The following XIRP2 variants were observed in gnomAD, a reference collection of about 807,000 sequenced individuals.
XIRP2 encodes the protein xin actin binding repeat containing 2.
In XIRP2, 236 loss-of-function variants were observed where a neutral mutation model predicts 277.0. That is an observed-to-expected ratio of 0.85 (90% CI 0.77 to 0.95). The LOEUF is 0.95. Among genes scored for constraint, XIRP2 ranks in the 40% least tolerant of loss-of-function variants. The pLI, the probability that XIRP2 is intolerant of heterozygous loss-of-function variation, is 0.00. For synonymous variants in XIRP2, 1,490 were observed against 1,416.5 expected, an observed-to-expected ratio of 1.05 and a Z score of -1.17; for missense variants, 4,640 against 4,157.5, an observed-to-expected ratio of 1.12 and a Z score of -3.19.
chr2:167,254,154 C>G lies in XIRP2; in HGVS notation c.*28C>G, dbSNP rs779895541. ...CCTGCTTCCGATGCCACCATTGCAA[C>G]AGTAAACTAAGGTAAAATGTTTAAT... On this transcript the variant is annotated 3_prime_UTR_variant, in exon 10 of 11. Coordinates refer to ENST00000409195, the MANE Select transcript of XIRP2 (RefSeq NM_152381.6). 12 of 1,608,784 alleles carry G rather than the reference C, an allele frequency of 7.5e-6. No individual in the cohort carries two copies. Among genetic ancestry groups the G allele is most frequent in the African/African-American group, 4.0e-5 (3 of 74,650 alleles).
At chr2:167,012,031 A>G (rs1027187299) in intron 2 of XIRP2, among the ~76,000 whole-genome samples, 2 of 151,912 alleles carry the variant, frequency 1.3e-5, no homozygotes, top group African/African-American at 4.8e-5. Flanking sequence ...CAGCTGCTGG[A>G]TTCATTAATT....
chr2:167,128,982 C>A (rs1348841652), intron 2 of XIRP2, among the ~76,000 whole-genome samples: 1 of 151,954 alleles, frequency 6.6e-6, no homozygotes, highest in Non-Finnish European at 1.5e-5. Context: ...AAGGGGCTTC[C>A]TGGAGGAGAC....
chr2:167,178,996 T>C (rs1251758076), intron 3 of XIRP2, among the ~76,000 whole-genome samples: 1 of 152,162 alleles, frequency 6.6e-6, no homozygotes, highest in African/African-American at 2.4e-5. Flanking sequence ...TCTCCTGCTT[T>C]TCTCCACTCT....
At chr2:167,137,875 C>A (rs756480944) in intron 3 of XIRP2, among the ~76,000 whole-genome samples, 6 of 151,640 alleles carry the variant, frequency 4.0e-5, no homozygotes, top group Non-Finnish European at 5.9e-5. Flanking sequence ...AAACAAAATT[C>A]TTTCATTATG....
chr2:167,169,206 T>C (rs1692612613), intron 3 of XIRP2, among the ~76,000 whole-genome samples: 1 of 152,222 alleles, frequency 6.6e-6, no homozygotes, highest in Non-Finnish European at 1.5e-5. Context: ...CATAATTCTC[T>C]AGTTTATTTC....
intron 2 of XIRP2, among the ~76,000 whole-genome samples, chr2:166,963,761 G>A (rs1417808665): frequency 6.6e-6 from 1 of 151,810 alleles, no homozygotes. Context: ...AGTCAGAGAG[G>A]TAAGCAGGAG....
chr2:167,215,442 A>G (rs1383335637), intron 4 of XIRP2, among the ~76,000 whole-genome samples: 1 of 152,204 alleles, frequency 6.6e-6, no homozygotes, highest in African/African-American at 2.4e-5. Flanking sequence ...ACTTGCTAGT[A>G]ATTTAGATAA....
intron 3 of XIRP2, among the ~76,000 whole-genome samples, chr2:167,170,634 G>C (rs960280002): frequency 1.3e-5 from 2 of 151,938 alleles, no homozygotes; most frequent in Non-Finnish European, 2.9e-5. Context: ...TTTAAAATCT[G>C]CAATATCTGT....
At chr2:167,195,293 AC>A (rs1693466599) in intron 3 of XIRP2, among the ~76,000 whole-genome samples, 1 of 152,058 alleles carries the variant, frequency 6.6e-6, no homozygotes, top group African/African-American at 2.4e-5. Flanking sequence ...AACCATCTCA[AC>A]CCTAATGACT....
chr2:167,150,479 GA>G (rs59294401), intron 3 of XIRP2, among the ~76,000 whole-genome samples: 1 of 151,612 alleles, frequency 6.6e-6, no homozygotes, highest in Non-Finnish European at 1.5e-5. Flanking sequence ...GGTTTTATTA[GA>G]AAAAAATGGA....
chr2:167,039,907 G>C (rs1511209), intron 2 of XIRP2, among the ~76,000 whole-genome samples: 41,736 of 151,912 alleles, frequency 0.27, 6,461 homozygotes, highest in African/African-American at 0.41. Flanking sequence ...ATATGAATTA[G>C]AAACTAATGA....
In XIRP2 at chr2:167,246,566, C is replaced by G. The variant is rs776383582; in HGVS notation, c.5174C>G (p.Ser1725Ter). The change falls in exon 9 of 11, where the codon TCA (serine) becomes TGA (stop). Residue 1725 changes from serine (S) to a stop codon, truncating the protein, a stop_gained. Transcript: ENST00000409195. LOFTEE classifies it high-confidence loss of function. The stretch of plus-strand genomic sequence containing the variant: ...ATTCATAATTTATTGTCTTCCACAT[C>G]AAACAATAAAATATCTGAAAGGGCT... ...RTIHNLLSST[S>*]NNKISERAKI... 4 of 1,613,714 alleles carry G rather than the reference C, an allele frequency of 2.5e-6. No individual in the cohort carries two copies. In the South Asian group the frequency reaches 4.4e-5, roughly 18 times the overall value.
At chr2:167,183,894 T>C (rs1047364205) in intron 3 of XIRP2, among the ~76,000 whole-genome samples, 1 of 152,196 alleles carries the variant, frequency 6.6e-6, no homozygotes, top group African/African-American at 2.4e-5. Flanking sequence ...GCTGAGCAGA[T>C]AGAATGGAGA....
intron 2 of XIRP2, among the ~76,000 whole-genome samples, chr2:167,051,500 T>C (rs1048660405): frequency 6.6e-6 from 1 of 152,130 alleles, no homozygotes; most frequent in Non-Finnish European, 1.5e-5. Flanking sequence ...TGTGTAATGA[T>C]TGTGACATAG....
chr2:167,015,649 G>A (rs1368838647), intron 2 of XIRP2, among the ~76,000 whole-genome samples: 1 of 151,718 alleles, frequency 6.6e-6, no homozygotes, highest in Non-Finnish European at 1.5e-5. Flanking sequence ...TAATAAGATT[G>A]TGTTTCTTGT....
chr2:166,963,931 C>G (rs1558931819), intron 2 of XIRP2, among the ~76,000 whole-genome samples: 1 of 151,766 alleles, frequency 6.6e-6, no homozygotes. Flanking sequence ...ATAATTACAA[C>G]TGTCCAGGTG....
intron 4 of XIRP2, among the ~76,000 whole-genome samples, chr2:167,213,948 G>T (rs75026415): frequency 0.022 from 3,271 of 151,970 alleles, 128 homozygotes; most frequent in African/African-American, 0.075. Flanking sequence ...ATAATCCGCG[G>T]TGGCTCACCC....
chr2:167,172,513 C>A (rs942245518), intron 3 of XIRP2, among the ~76,000 whole-genome samples: 3 of 152,252 alleles, frequency 2.0e-5, no homozygotes, highest in African/African-American at 7.2e-5. Context: ...TATTTCATCC[C>A]TTATCCACAA....
intron 5 of XIRP2, among the ~76,000 whole-genome samples, chr2:167,226,446 A>G (rs1048877970): frequency 3.9e-5 from 6 of 152,186 alleles, no homozygotes; most frequent in Admixed American, 6.5e-5. Context: ...ATTATATTCT[A>G]TGAAGAAGAT....
Sources: allele counts gnomAD v4.1 joint callset (sites outside exome capture counted in the v4.1 genomes callset), GRCh38; gene constraint gnomAD v4.1.1; transcripts MANE v1.5; gene names NCBI Gene and HGNC (gene_info 2026-07-23, HGNC 2026-07-21).